ITCH: variants seen among roughly 807,000 people sequenced by gnomAD.
ITCH encodes E3 ubiquitin-protein ligase Itchy homolog.
A neutral mutation model predicts 126.8 loss-of-function variants in ITCH; 28 were observed. That is an observed-to-expected ratio of 0.22 (90% CI 0.16 to 0.30). ITCH has a LOEUF of 0.30. Among genes scored for constraint, ITCH ranks in the 10% least tolerant of loss-of-function variants. ITCH has a pLI of 1.00. For synonymous variants in ITCH, 342 were observed against 340.0 expected (o/e 1.01, Z -0.06); for missense variants, 631 against 1,032.4 (o/e 0.61, Z 5.33).
At chr20:34,459,089 T>A (rs1986278164) in intron 13 of ITCH, among the ~76,000 whole-genome samples, 2 of 152,132 alleles carry the variant, frequency 1.3e-5, no homozygotes, top group South Asian at 4.2e-4. Flanking sequence ...ACAGGATGAC[T>A]CCAGACCAAC....
intron 11 of ITCH, among the ~76,000 whole-genome samples, chr20:34,446,782 A>C (rs1984520624): frequency 6.6e-6 from 1 of 152,198 alleles, no homozygotes; most frequent in South Asian, 2.1e-4. Flanking sequence ...TGGAAAGAGC[A>C]TGGGCTTTGG....
At chr20:34,484,749 G>A (rs999000854) in intron 20 of ITCH, among the ~76,000 whole-genome samples, 2 of 152,152 alleles carry the variant, frequency 1.3e-5, no homozygotes, top group African/African-American at 4.8e-5. Context: ...CTTAAGTGTA[G>A]AAGTTGAAAT....
At chr20:34,401,697 C>T (rs1601813524) in intron 3 of ITCH, 2 of 860,548 alleles carry the variant, frequency 2.3e-6, no homozygotes, top group Non-Finnish European at 2.8e-6. Flanking sequence ...TAAGGGCCAT[C>T]CACTGGTTAA....
intron 6 of ITCH, among the ~76,000 whole-genome samples, chr20:34,418,942 G>A (rs1797633255): frequency 6.6e-6 from 1 of 151,812 alleles, no homozygotes. Context: ...TGTATTTTTA[G>A]TACAGGTGAA....
chr20:34,461,544 A>G (rs1383747092), intron 13 of ITCH, among the ~76,000 whole-genome samples: 1 of 152,026 alleles, frequency 6.6e-6, no homozygotes, highest in East Asian at 1.9e-4. Flanking sequence ...CCCTGTCTCT[A>G]CTAAAAATAC....
At chr20:34,428,322 C>T (rs1392737202) in intron 7 of ITCH, among the ~76,000 whole-genome samples, 2 of 152,206 alleles carry the variant, frequency 1.3e-5, no homozygotes, top group African/African-American at 4.8e-5. Flanking sequence ...AGGTGCTTCG[C>T]ATCCTTCCCT....
intron 15 of ITCH, among the ~76,000 whole-genome samples, chr20:34,470,822 T>C (rs1483848820): frequency 1.3e-5 from 2 of 152,198 alleles, no homozygotes; most frequent in Admixed American, 1.3e-4. Context: ...TGGATTCAAA[T>C]GATCCTCCTG....
intron 2 of ITCH, among the ~76,000 whole-genome samples, chr20:34,374,405 G>C (rs890893432): frequency 2.0e-5 from 3 of 152,070 alleles, no homozygotes; most frequent in Non-Finnish European, 1.5e-5. Flanking sequence ...TTTTGCCTTA[G>C]TTTTCTCATC....
At chr20:34,479,897 T>G (rs1431769106) in intron 18 of ITCH, 108 bp downstream of exon 18, 4 of 1,037,134 alleles carry the variant, frequency 3.9e-6, no homozygotes, top group East Asian at 2.4e-5. Flanking sequence ...GTTTTTTGTT[T>G]TGTTTTGTTT....
At chr20:34,457,682 C>T (rs1986137902) in intron 13 of ITCH, among the ~76,000 whole-genome samples, 1 of 152,128 alleles carries the variant, frequency 6.6e-6, no homozygotes, top group Non-Finnish European at 1.5e-5. Context: ...TTTAACTGGG[C>T]ATGGTGGCTC....
In ITCH at chr20:34,445,401, G is replaced by A. The variant is rs1379870192; in HGVS notation, c.1080G>A (p.Gln360=). The change falls in exon 11 of 25, where the codon CAG becomes CAA. Residue 360 remains glutamine (Q), a synonymous_variant. Transcript: ENST00000374864. ...LESVRNYEQW[Q]LQRSQLQGAM... is the part of the protein sequence containing the mutation. ...CCGTCCGGAACTATGAACAATGGCA[G>A]CTACAGCGTAGTCAGCTTCAAGGAG... 1 of 1,614,104 alleles carries A rather than the reference G, an allele frequency of 6.2e-7. No individual in the cohort carries two copies. The highest frequency in any genetic ancestry group is 1.3e-5 in the African/African-American group (1 of 75,036).
chr20:34,504,517 C>T (rs933946884), intron 24 of ITCH, 114 bp downstream of exon 24: 4 of 733,650 alleles, frequency 5.5e-6, no homozygotes, highest in Admixed American at 4.1e-5. Flanking sequence ...ATAGCACAGC[C>T]ATCATAGCAA....
intron 3 of ITCH, among the ~76,000 whole-genome samples, chr20:34,402,945 A>C (rs914067751): frequency 6.6e-6 from 1 of 152,108 alleles, no homozygotes. Flanking sequence ...GCATTTCCCA[A>C]ATTTATTACA....
intron 2 of ITCH, 171 bp from the exon 3 acceptor site, chr20:34,393,620 A>G (rs1366376600): frequency 1.5e-6 from 1 of 647,232 alleles, no homozygotes; most frequent in Admixed American, 2.4e-5. Context: ...CAGCCATGTC[A>G]GATTTTGCCA....
intron 2 of ITCH, among the ~76,000 whole-genome samples, chr20:34,379,320 G>T (rs1022561111): frequency 6.6e-6 from 1 of 152,004 alleles, no homozygotes; most frequent in South Asian, 2.1e-4. Flanking sequence ...TATTTTTATT[G>T]TGGTAAAATA....
chr20:34,441,383 A>G (rs1983728188), intron 9 of ITCH, among the ~76,000 whole-genome samples: 1 of 152,126 alleles, frequency 6.6e-6, no homozygotes, highest in Non-Finnish European at 1.5e-5. Context: ...TTATTTTCAT[A>G]GATTGTTTTT....
chr20:34,452,306 C>T (rs1985362964), intron 12 of ITCH, among the ~76,000 whole-genome samples: 1 of 152,128 alleles, frequency 6.6e-6, no homozygotes, highest in African/African-American at 2.4e-5. Context: ...CTCATTTTTA[C>T]TTTAGCCAAC....
At chr20:34,452,737 A>G (rs557488097) in intron 12 of ITCH, among the ~76,000 whole-genome samples, 35 of 152,280 alleles carry the variant, frequency 2.3e-4, no homozygotes, top group South Asian at 6.2e-4. Context: ...GCTGTTCTCC[A>G]GCATAGTAAT....
intron 16 of ITCH, among the ~76,000 whole-genome samples, chr20:34,472,390 A>AGAG (rs11481823): frequency 6.9e-6 from 1 of 145,860 alleles, no homozygotes; most frequent in Non-Finnish European, 1.5e-5. Flanking sequence ...AAAAAAAAAA[A>AGAG]AAAAAAACTT....
Sources: allele counts gnomAD v4.1 joint callset (sites outside exome capture counted in the v4.1 genomes callset), GRCh38; gene constraint gnomAD v4.1.1; transcripts MANE v1.5; gene names NCBI Gene and HGNC (gene_info 2026-07-23, HGNC 2026-07-21).